CHST15: variants seen among roughly 807,000 people sequenced by gnomAD.
CHST15 encodes B cell RAG associated protein (GALNAC4S-6ST).
CHST15 carries 30 observed loss-of-function variants against 53.6 expected under a neutral mutation model. That is an observed-to-expected ratio of 0.56 (90% CI 0.42 to 0.76). The LOEUF is 0.76. CHST15 is among the 30% of genes least tolerant of loss of function. CHST15 has a pLI of 0.00. For synonymous variants in CHST15, 296 were observed against 289.8 expected, an observed-to-expected ratio of 1.02 and a Z score of -0.22; for missense variants, 627 against 740.5, an observed-to-expected ratio of 0.85 and a Z score of 1.78.
chr10:124,081,804 T>C (rs1373383915), intron 1 of CHST15, among the ~76,000 whole-genome samples: 2 of 152,068 alleles, frequency 1.3e-5, no homozygotes, highest in African/African-American at 4.8e-5. Flanking sequence ...CGGCCTGGTC[T>C]CCACATATTT....
rs78061203 is a variant in CHST15, at chr10:124,010,716, C to T, written c.1496-377G>A. ...CGTGCGGCCTGCCGAGCACAGCCCA[C>T]GGGTTTCGGTTTTCCTGCTCAGCAG... is the stretch of plus-strand genomic sequence containing the variant. On this transcript the variant is annotated intron_variant, in intron 7 of 7. Transcript: ENST00000435907. 4,934 of 985,452 alleles carry T rather than the reference C, an allele frequency of 5.0e-3. 109 individuals are homozygous for T. In the African/African-American group the frequency reaches 0.054, roughly 11 times the overall value. 61.0% of individuals were successfully genotyped at this position (985,452 alleles called of 1,614,324 possible). A position where few individuals can be genotyped will look rare whatever the true frequency, so the allele number is the denominator to read the frequency against.
At chr10:124,082,048 G>A (rs1025265327) in intron 1 of CHST15, among the ~76,000 whole-genome samples, 4 of 152,172 alleles carry the variant, frequency 2.6e-5, no homozygotes, top group Admixed American at 1.3e-4. Context: ...TTATTCGGCC[G>A]CTGGTGGATG....
intron 1 of CHST15, among the ~76,000 whole-genome samples, chr10:124,063,365 C>T (rs1467721122): frequency 2.0e-5 from 3 of 151,930 alleles, no homozygotes; most frequent in East Asian, 3.9e-4. Context: ...CCTGGGGGGA[C>T]AGAGTGACAC....
At chr10:124,072,121 G>A (rs982113572) in intron 1 of CHST15, among the ~76,000 whole-genome samples, 4 of 152,206 alleles carry the variant, frequency 2.6e-5, no homozygotes, top group Admixed American at 6.5e-5. Context: ...CCCTGCCCCC[G>A]ATTTACTGAA....
At chr10:124,012,611 G>T in intron 6 of CHST15, 131 bp from the exon 7 acceptor site, 1 of 1,023,274 alleles carries the variant, frequency 9.8e-7, no homozygotes, top group Non-Finnish European at 1.4e-6. Context: ...TCAGAAGCTG[G>T]ATTTTAACAC....
intron 1 of CHST15, among the ~76,000 whole-genome samples, chr10:124,054,566 T>C (rs2134061160): frequency 6.6e-6 from 1 of 152,284 alleles, no homozygotes; most frequent in African/African-American, 2.4e-5. Context: ...AAAGATGGGA[T>C]GTAGGAAAAA....
At chr10:124,026,486 A>G (rs1189631110) in intron 5 of CHST15, among the ~76,000 whole-genome samples, 1 of 152,242 alleles carries the variant, frequency 6.6e-6, no homozygotes, top group Non-Finnish European at 1.5e-5. Flanking sequence ...AGACAGGCAC[A>G]CTGTGGAACA....
intron 5 of CHST15, among the ~76,000 whole-genome samples, chr10:124,030,684 A>G (rs1428368632): frequency 6.6e-6 from 1 of 152,248 alleles, no homozygotes; most frequent in Non-Finnish European, 1.5e-5. Context: ...TTCTAGAGAA[A>G]ACATCGCATG....
chr10:124,037,438 C>T (rs1285662227), intron 5 of CHST15, among the ~76,000 whole-genome samples: 1 of 152,172 alleles, frequency 6.6e-6, no homozygotes, highest in Non-Finnish European at 1.5e-5. Flanking sequence ...TTCCCCAAAA[C>T]AGACCTGGTC....
At chr10:124,065,580 G>C (rs1948728274) in intron 1 of CHST15, among the ~76,000 whole-genome samples, 1 of 152,078 alleles carries the variant, frequency 6.6e-6, no homozygotes, top group Non-Finnish European at 1.5e-5. Flanking sequence ...CCCACAGAGA[G>C]CTACTCCCTG....
chr10:124,038,013 G>C (rs1184260118), intron 5 of CHST15, among the ~76,000 whole-genome samples: 7 of 152,186 alleles, frequency 4.6e-5, no homozygotes, highest in Non-Finnish European at 7.3e-5. Flanking sequence ...TCTGCAACAT[G>C]TGTCAACTCA....
intron 5 of CHST15, among the ~76,000 whole-genome samples, chr10:124,031,166 G>C (rs1248948190): frequency 6.6e-6 from 1 of 152,222 alleles, no homozygotes; most frequent in Non-Finnish European, 1.5e-5. Flanking sequence ...ATAGCTCTGA[G>C]GGGCTGCCCC....
chr10:124,046,302 T>G lies in CHST15; in HGVS notation c.-90A>C. The G allele has an allele frequency of 8.0e-7, 1 of 1,245,828 alleles. No homozygotes were observed. The highest frequency in any genetic ancestry group is 2.4e-5 in the East Asian group (1 of 41,866). The allele number at this position is 1,245,828 out of a possible 1,614,324, so 77.2% of individuals were successfully genotyped here. ...TGTCCGCAAGTCGTGCTAGAAAACC[T>G]TAAGAATGCCTTGTGATCACAGAAG... is the stretch of plus-strand genomic sequence containing the variant. On this transcript the variant is annotated 5_prime_UTR_variant, in exon 2 of 8. Transcript: ENST00000435907.
At chr10:124,042,249 C>G in intron 4 of CHST15, 52 bp downstream of exon 4, 1 of 1,563,356 alleles carries the variant, frequency 6.4e-7, no homozygotes, top group Non-Finnish European at 8.7e-7. Context: ...GGAGCCAGAG[C>G]CAGGACCCCA....
intron 4 of CHST15, among the ~76,000 whole-genome samples, chr10:124,040,895 G>A (rs1475019504): frequency 2.6e-5 from 4 of 152,208 alleles, no homozygotes; most frequent in Non-Finnish European, 5.9e-5. Flanking sequence ...ACCAAACTGA[G>A]GCTTTCCTTT....
rs561882734 is a variant in CHST15, at chr10:124,088,801, A to T, written c.-513+4668T>A. On this transcript the variant is annotated intron_variant, in intron 1 of 7. Transcript: ENST00000435907. Reference sequence around the variant, plus strand: ...TCCCCAACTCCCATAGTTACAATTTAAAAAATCTATGTTGGCCCAAATGGA... The same window carrying T: ...TCCCCAACTCCCATAGTTACAATTTTAAAAATCTATGTTGGCCCAAATGGA... Among the ~76,000 whole-genome samples, 6 of 152,284 alleles carry T rather than the reference A, an allele frequency of 3.9e-5. No individual in the cohort carries two copies. In the East Asian group the frequency reaches 9.6e-4, roughly 24 times the overall value.
intron 1 of CHST15, among the ~76,000 whole-genome samples, chr10:124,056,882 G>A (rs148970774): frequency 0.028 from 4,202 of 151,786 alleles, 188 homozygotes; most frequent in African/African-American, 0.096. Context: ...GACACTCTGC[G>A]GCCCAGGCCT....
chr10:124,018,992 C>G (rs1179070406), intron 6 of CHST15, among the ~76,000 whole-genome samples: 1 of 152,192 alleles, frequency 6.6e-6, no homozygotes, highest in Non-Finnish European at 1.5e-5. Flanking sequence ...GTGTGCCAAC[C>G]TCGGCATTTG....
At chr10:124,010,413 A>G (rs1398856521) in intron 7 of CHST15, 74 bp from the exon 8 acceptor site, 5 of 1,458,722 alleles carry the variant, frequency 3.4e-6, no homozygotes, top group Non-Finnish European at 9.1e-7. Flanking sequence ...CAAAAATCCC[A>G]GCTATGCTTC....
Sources: allele counts gnomAD v4.1 joint callset (sites outside exome capture counted in the v4.1 genomes callset), GRCh38; gene constraint gnomAD v4.1.1; transcripts MANE v1.5; gene names NCBI Gene and HGNC (gene_info 2026-07-23, HGNC 2026-07-21).